Variants in MTUS1 observed in about 807,000 individuals in gnomAD.
MTUS1 encodes microtubule associated scaffold protein 1.
In MTUS1, 109 loss-of-function variants were observed where a neutral mutation model predicts 120.8. The observed-to-expected ratio is 0.90, with a 90% confidence interval of 0.77 to 1.06. The LOEUF is 1.06. MTUS1 is among the 50% of genes least tolerant of loss of function. The pLI is 0.00. For synonymous variants in MTUS1, 737 were observed against 550.5 expected (o/e 1.34, Z -4.74); for missense variants, 2,210 against 1,486.3 (o/e 1.49, Z -8.01).
At chr8:17,738,627 A>C (rs575943150) in intron 3 of MTUS1, among the ~76,000 whole-genome samples, 1 of 152,192 alleles carries the variant, frequency 6.6e-6, no homozygotes, top group Non-Finnish European at 1.5e-5. Flanking sequence ...ACATAGGTAA[A>C]CATGGGCCAT....
At chr8:17,651,854 G>C (rs1293598259) in intron 12 of MTUS1, 6 of 152,104 alleles carry the variant, frequency 3.9e-5, no homozygotes, top group African/African-American at 1.4e-4. Flanking sequence ...CCTGTTTCCT[G>C]AGCCATCAAT....
At chr8:17,658,181 C>T (rs1030066467) in intron 8 of MTUS1, among the ~76,000 whole-genome samples, 4 of 152,028 alleles carry the variant, frequency 2.6e-5, no homozygotes, top group African/African-American at 9.7e-5. Flanking sequence ...GGGATTACGG[C>T]ACATGCCACC....
Position 17,678,437 on chromosome 8 carries a change from G to GA in MTUS1, c.2839-3186dup, listed in dbSNP as rs879287891. On this transcript the variant is annotated intron_variant, in intron 7 of 14. Coordinates refer to ENST00000693296, the MANE Select transcript of MTUS1 (RefSeq NM_001363059.2). ...GGCATTAAATATATGAAATGCTCAA[G>GA]AAAAAAAAAATGGATTCACCATAAT... Among the ~76,000 whole-genome samples the GA allele has an allele frequency of 9.5e-3, 1,395 of 147,576 alleles. 15 individuals are homozygous for GA. Among genetic ancestry groups the GA allele is most frequent in the Non-Finnish European group, 0.016 (1,045 of 66,656 alleles).
chr8:17,743,850 C>T lies in MTUS1; in HGVS notation c.2092-51G>A, dbSNP rs377077341. On this transcript the variant is annotated intron_variant, in intron 2 of 14. Coordinates refer to ENST00000693296, the MANE Select transcript of MTUS1 (RefSeq NM_001363059.2). ...AAACCAAAACTAAAATTCTAAGCCC[C>T]CCAACTGACTGAATGGGCCCCTCCT... 3.1e-5 allele frequency: 47 copies of T among 1,518,678 alleles called. No homozygotes were observed. In the African/African-American group the frequency reaches 5.8e-4, roughly 19 times the overall value. 94.1% of individuals were successfully genotyped at this position (1,518,678 alleles called of 1,614,324 possible).
chr8:17,761,427 T>G (rs1373800622), intron 1 of MTUS1, among the ~76,000 whole-genome samples: 3 of 152,208 alleles, frequency 2.0e-5, no homozygotes, highest in Admixed American at 2.0e-4. Context: ...CAATTCAAAC[T>G]TCATTTTACA....
At chr8:17,724,820 CTA>C (rs1162193979) in intron 3 of MTUS1, among the ~76,000 whole-genome samples, 13 of 152,342 alleles carry the variant, frequency 8.5e-5, no homozygotes, top group African/African-American at 3.1e-4. Flanking sequence ...ACCTGCAGCC[CTA>C]TCTTCCTTCT....
chr8:17,769,052 C>G (rs1684768223), intron 1 of MTUS1, among the ~76,000 whole-genome samples: 1 of 151,936 alleles, frequency 6.6e-6, no homozygotes, highest in South Asian at 2.1e-4. Context: ...ATTAAAAAGC[C>G]TCTGCTTGGG....
chr8:17,727,473 C>T (rs1478219694), intron 3 of MTUS1, among the ~76,000 whole-genome samples: 5 of 152,164 alleles, frequency 3.3e-5, no homozygotes, highest in African/African-American at 7.2e-5. Flanking sequence ...ACAGGAGCTC[C>T]TACAGCGGAA....
At chr8:17,756,671 A>ACCCCCCG (rs1177055386) in intron 1 of MTUS1, among the ~76,000 whole-genome samples, 1 of 117,484 alleles carries the variant, frequency 8.5e-6, no homozygotes, top group South Asian at 3.9e-4. Flanking sequence ...TCAAGCCCAA[A>ACCCCCCG]CCCCCACCCC....
Position 17,754,310 on chromosome 8 carries a change from T to C in MTUS1, c.1498A>G (p.Ile500Val). The C allele has an allele frequency of 6.2e-7, 1 of 1,614,152 alleles. No individual in the cohort carries two copies. The highest frequency in any genetic ancestry group is 8.5e-7 in the Non-Finnish European group (1 of 1,180,024). ...IGCKVRKTEIISYPRPNFKNV... is the reference protein window; with the variant it reads ...IGCKVRKTEIVSYPRPNFKNV... ...TTGAAGTTTGGTCTTGGGTAACTTA[T>C]AATTTCAGTTTTTCTAACTTTGCAG... The change falls in exon 2 of 15, where the codon ATA becomes GTA. Residue 500 changes from isoleucine to valine, a missense_variant. By Grantham distance (29) the Ile-to-Val change is conservative (BLOSUM62 3). Transcript: ENST00000693296.
intron 6 of MTUS1, among the ~76,000 whole-genome samples, chr8:17,710,781 T>A (rs1821127117): frequency 6.6e-6 from 1 of 152,208 alleles, no homozygotes; most frequent in Non-Finnish European, 1.5e-5. Context: ...ATGTACTTCT[T>A]AAATAGTAAG....
intron 6 of MTUS1, among the ~76,000 whole-genome samples, chr8:17,698,941 C>A (rs1818496668): frequency 6.6e-6 from 1 of 152,164 alleles, no homozygotes. Flanking sequence ...TTGCCTTTTA[C>A]TTCATCCCAG....
Position 17,800,674 on chromosome 8 carries a change from G to C in MTUS1, c.-155+387C>G, listed in dbSNP as rs561359283. 3 of 152,312 alleles carry C rather than the reference G, an allele frequency of 2.0e-5. No individual in the cohort carries two copies. The South Asian group carries it at 6.2e-4, about 32-fold the overall frequency. 9.4% of individuals were successfully genotyped at this position (152,312 alleles called of 1,614,324 possible). On this transcript the variant is annotated intron_variant, in intron 1 of 14. Coordinates refer to ENST00000693296, the MANE Select transcript of MTUS1 (RefSeq NM_001363059.2). ...AGAAAGTAGCGAGGCGCCACGAGGGGTCTTTGGGACCTGCAGCAACCCTAT... is the reference window on the plus strand; with the variant it reads ...AGAAAGTAGCGAGGCGCCACGAGGGCTCTTTGGGACCTGCAGCAACCCTAT...
intron 6 of MTUS1, chr8:17,697,500 C>T (rs1818223657): frequency 2.1e-6 from 3 of 1,424,810 alleles, no homozygotes; most frequent in Admixed American, 4.9e-5. Context: ...GATGCCTACA[C>T]AGCAAATGTC....
intron 1 of MTUS1, among the ~76,000 whole-genome samples, chr8:17,775,899 G>C (rs76624919): frequency 0.012 from 1,859 of 152,322 alleles, 37 homozygotes; most frequent in African/African-American, 0.042. Flanking sequence ...ATTTCAGAGT[G>C]AAGTCAAGGT....
chr8:17,710,034 A>C (rs550134969), intron 6 of MTUS1, among the ~76,000 whole-genome samples: 5 of 152,136 alleles, frequency 3.3e-5, no homozygotes, highest in African/African-American at 1.2e-4. Flanking sequence ...TAATTTAAAA[A>C]TATTTCATTG....
At chr8:17,682,131 G>T (rs535487988) in intron 7 of MTUS1, among the ~76,000 whole-genome samples, 1 of 152,188 alleles carries the variant, frequency 6.6e-6, no homozygotes, top group Admixed American at 6.5e-5. Context: ...TTAATCAGCA[G>T]CGTGGGATGC....
intron 10 of MTUS1, 84 bp from the exon 11 acceptor site, chr8:17,653,582 G>C (rs1047525890): frequency 1.4e-4 from 139 of 967,728 alleles, no homozygotes; most frequent in Non-Finnish European, 1.9e-4. Context: ...TATAGATGTA[G>C]GGGTTGATGA....
At chr8:17,791,840 G>T (rs141450137) in intron 1 of MTUS1, among the ~76,000 whole-genome samples, 66 of 152,270 alleles carry the variant, frequency 4.3e-4, no homozygotes, top group Non-Finnish European at 7.6e-4. Flanking sequence ...CTATGAATCA[G>T]AAGATTTAAT....
Sources: gnomAD v4.1 joint callset for allele counts (sites outside exome capture counted in the v4.1 genomes callset) on GRCh38, gnomAD v4.1.1 for gene constraint, MANE v1.5 for transcripts, NCBI Gene and HGNC (gene_info 2026-07-23, HGNC 2026-07-21) for gene names.